The following CPZ variants were observed in gnomAD, a reference collection of about 807,000 sequenced individuals.
The protein encoded by CPZ is VEZT/CPZ fusion.
In CPZ, 103 loss-of-function variants were observed where a neutral mutation model predicts 61.8. The observed-to-expected ratio is 1.67, with a 90% CI of 1.42 to 1.96. The LOEUF (loss-of-function observed/expected upper bound fraction) is 1.96, where lower values mean the gene tolerates loss of function less well. Ranked by LOEUF, CPZ falls within the 30% of genes most tolerant of loss-of-function variation. CPZ has a pLI of 0.00. For missense variants in CPZ, 1,461 were observed against 914.9 expected (o/e 1.60, Z -7.70); for synonymous variants, 551 against 373.7 (o/e 1.47, Z -5.47).
intron 1 of CPZ, among the ~76,000 whole-genome samples, chr4:8,594,443 C>T (rs1264703691): frequency 2.6e-5 from 4 of 152,290 alleles, no homozygotes; most frequent in East Asian, 3.9e-4. Context: ...ATTTTCATGT[C>T]CTAGGGTCTG....
intron 2 of CPZ, chr4:8,599,826 C>A (rs1175897168): frequency 3.1e-6 from 1 of 321,700 alleles, no homozygotes; most frequent in Non-Finnish European, 5.6e-6. Flanking sequence ...CTGTGCCGGG[C>A]CCCTGCTGAG....
chr4:8,612,206 C>CCCCGG, intron 8 of CPZ, 44 bp downstream of exon 8: 1 of 75,862 alleles, frequency 1.3e-5, no homozygotes, highest in Non-Finnish European at 2.2e-5. Flanking sequence ...GTGGGGGGTG[C>CCCCGG]AGGGGCTGGG....
rs199662042 is a variant in CPZ at position 8,612,029 on chromosome 4, G to A, written c.1230G>A (p.Met410Ile). Reference protein sequence around the residue: ...KMFSPTPDEKMFKLLSRAYAD... With the variant: ...KMFSPTPDEKIFKLLSRAYAD... ...TCTGAGCCAGGTTTCTTTTCCAGAT[G>A]TTCAAGCTGCTGTCCAGAGCCTACG... Residue 410 changes from methionine (M) to isoleucine (I), a missense_variant and splice_region_variant, in exon 8 of 11, where the codon ATG becomes ATA. Transcript: ENST00000360986. 7.6e-5 allele frequency: 123 copies of A among 1,613,854 alleles called. No homozygotes were observed. The highest frequency in any genetic ancestry group is 9.7e-5 in the Non-Finnish European group (115 of 1,180,010).
intron 7 of CPZ, among the ~76,000 whole-genome samples, chr4:8,607,724 T>C (rs541092098): frequency 6.6e-6 from 1 of 152,142 alleles, no homozygotes; most frequent in African/African-American, 2.4e-5. Context: ...GCTGTTCCTT[T>C]GAGCTCCGCC....
In CPZ at chr4:8,614,366, C is replaced by T. The variant is rs574133810; in HGVS notation, c.1371C>T (p.Ser457=). Residue 457 remains serine (S), a synonymous_variant, in exon 9 of 11, where the codon TCC becomes TCT. Coordinates refer to ENST00000360986, the MANE Select transcript of CPZ (RefSeq NM_001014447.3). The part of the protein sequence containing the change: ...ADWYSFTGGM[S]DFNYLHTNCF... ...GCTGTCTCTGTGCCACAGGCATGTC[C>T]GATTTCAACTACCTGCACACCAACT... The T allele has an allele frequency of 1.3e-4, 214 of 1,613,218 alleles. 4 individuals carry two copies. The highest frequency in any genetic ancestry group is 6.6e-4 in the Middle Eastern group (4 of 6,056).
At chr4:8,607,686 C>A (rs923626008) in intron 7 of CPZ, among the ~76,000 whole-genome samples, 2 of 152,198 alleles carry the variant, frequency 1.3e-5, no homozygotes, top group African/African-American at 4.8e-5. Flanking sequence ...TCTGGGAGCT[C>A]CTGGGGTGGG....
intron 1 of CPZ, 76 bp downstream of exon 1, chr4:8,592,997 G>T: frequency 8.3e-7 from 1 of 1,203,744 alleles, no homozygotes; most frequent in South Asian, 1.4e-5. Context: ...CGCTTCCCAG[G>T]GGCCCGGGAG....
chr4:8,607,108 A>T (rs2109326868), intron 6 of CPZ, among the ~76,000 whole-genome samples, 159 bp from the exon 7 acceptor site: 1 of 152,286 alleles, frequency 6.6e-6, no homozygotes, highest in East Asian at 1.9e-4. Context: ...AGATCCCCGC[A>T]GGGGCCCAGT....
intron 2 of CPZ, 76 bp from the exon 3 acceptor site, chr4:8,601,047 C>T (rs1226954065): frequency 2.7e-6 from 4 of 1,489,972 alleles, no homozygotes; most frequent in East Asian, 2.4e-5. Flanking sequence ...TGCGTGGGGT[C>T]CCCTACGTAA....
chr4:8,599,669 C>T (rs113048280), intron 2 of CPZ, 184 bp downstream of exon 2: 60 of 1,428,908 alleles, frequency 4.2e-5, no homozygotes, highest in Non-Finnish European at 2.9e-5. Flanking sequence ...AAAAAAAGAC[C>T]AGCTAGGAAA....
At chr4:8,599,034 T>C (rs1467401677) in intron 1 of CPZ, among the ~76,000 whole-genome samples, 4 of 152,166 alleles carry the variant, frequency 2.6e-5, no homozygotes, top group Admixed American at 6.5e-5. Context: ...GTTAAAACTT[T>C]TGGAATCTTC....
intron 10 of CPZ, among the ~76,000 whole-genome samples, chr4:8,618,798 A>C (rs906959057): frequency 2.0e-5 from 3 of 152,306 alleles, no homozygotes; most frequent in Admixed American, 6.5e-5. Flanking sequence ...CGCCTCCTCC[A>C]ACATTGCCGG....
rs907783742 is a variant in CPZ, at chr4:8,611,931, G to C, written c.1228-96G>C. The C allele has an allele frequency of 1.0e-5, 16 of 1,554,216 alleles. No homozygotes were observed. In the South Asian group the frequency reaches 1.7e-4, roughly 17 times the overall value. ...ATTCCCCTCTCCTATCTGCAATGCA[G>C]GTGTTTGCACGCGCAGCTCCTCCCC... On this transcript the variant is annotated intron_variant, in intron 7 of 10. Coordinates refer to ENST00000360986, the MANE Select transcript of CPZ (RefSeq NM_001014447.3).
chr4:8,612,583 T>TGG (rs1206573825), intron 8 of CPZ, among the ~76,000 whole-genome samples: 1 of 152,192 alleles, frequency 6.6e-6, no homozygotes, highest in African/African-American at 2.4e-5. Context: ...AGAACCCGCA[T>TGG]GGGGTGGACT....
At chr4:8,616,183 C>A (rs565077001) in intron 9 of CPZ, among the ~76,000 whole-genome samples, 15 of 152,188 alleles carry the variant, frequency 9.9e-5, no homozygotes, top group African/African-American at 3.6e-4. Flanking sequence ...GACCTGGGCG[C>A]GGGCTCCTGA....
chr4:8,599,531 C>T (rs377044104), intron 2 of CPZ, 46 bp downstream of exon 2: 4 of 1,609,108 alleles, frequency 2.5e-6, no homozygotes, highest in Non-Finnish European at 2.5e-6. Context: ...AGGAGGGCTG[C>T]AGCCCCCACA....
Position 8,604,343 on chromosome 4 carries a change from A to G in CPZ, c.709+155A>G, listed in dbSNP as rs191651932. 2.5e-4 allele frequency among the ~76,000 whole-genome samples: 38 copies of G among 152,370 alleles called. No homozygotes were observed. The East Asian group carries it at 7.1e-3, about 29-fold the overall frequency. ...TGGTGCAGGCCACGTCCCGCTGGGC[A>G]TGTGCAACCACTATATGTATAAAGA... On this transcript the variant is annotated intron_variant, in intron 4 of 10. Transcript: ENST00000360986.
chr4:8,612,196 GTGGGGGGTGCA>G, intron 8 of CPZ, 34 bp downstream of exon 8: 102 of 378,466 alleles, frequency 2.7e-4, no homozygotes, highest in Non-Finnish European at 4.0e-4. Flanking sequence ...TGGGCGGGGG[GTGGGGGGTGCA>G]GGGGCTGGGT....
At chr4:8,610,360 T>G (rs1050222546) in intron 7 of CPZ, among the ~76,000 whole-genome samples, 6 of 152,136 alleles carry the variant, frequency 3.9e-5, no homozygotes, top group African/African-American at 1.4e-4. Context: ...TTTTGGGGAC[T>G]GGTGGTCGGC....
Sources: allele counts gnomAD v4.1 joint callset (sites outside exome capture counted in the v4.1 genomes callset), GRCh38; gene constraint gnomAD v4.1.1; transcripts MANE v1.5; gene names NCBI Gene and HGNC (gene_info 2026-07-23, HGNC 2026-07-21).